PHF24: variants seen among roughly 807,000 people sequenced by gnomAD.
PHF24 encodes PHD finger protein 24.
A neutral mutation model predicts 42.6 loss-of-function variants in PHF24; 25 were observed. The observed-to-expected ratio is 0.59, with a 90% confidence interval of 0.43 to 0.82. PHF24 has a LOEUF of 0.82. Among genes scored for constraint, PHF24 ranks in the 40% least tolerant of loss-of-function variants. The pLI, the probability that PHF24 is intolerant of heterozygous loss-of-function variation, is 0.00. For synonymous variants in PHF24, 185 were observed against 204.8 expected, an observed-to-expected ratio of 0.90 and a Z score of 0.83; for missense variants, 470 against 538.1, an observed-to-expected ratio of 0.87 and a Z score of 1.25.
the PHF24 span, among the ~76,000 whole-genome samples, chr9:34,874,075 T>C: frequency 9.4e-3 from 1,427 of 152,222 alleles, 19 homozygotes; most frequent in Non-Finnish European, 0.014. Context: ...AAGTTGCTTA[T>C]CAGCTTAAGG....
chr9:34,971,644 C>T lies in PHF24; in HGVS notation c.346C>T (p.Pro116Ser), dbSNP rs567537944. 3 of 1,613,130 alleles carry T rather than the reference C, an allele frequency of 1.9e-6. No homozygotes were observed. In the African/African-American group the frequency reaches 4.0e-5, roughly 22 times the overall value. ...CACCCGGAAGCTGGATGATGACAAA[C>T]CTCCAGAAATCTGCCTGGAGCCCAG... is the stretch of plus-strand genomic sequence containing the variant. Residue 116 changes from proline (P) to serine (S), a missense_variant, in exon 2 of 8, where the codon CCT (proline) becomes TCT (serine). Pro to Ser is a moderately conservative substitution (Grantham distance 74). Transcript: ENST00000242315.
At chr9:34,827,731 T>C in the PHF24 span, among the ~76,000 whole-genome samples, 1 of 152,140 alleles carries the variant, frequency 6.6e-6, no homozygotes, top group Admixed American at 6.5e-5. Flanking sequence ...TGAGGGATAA[T>C]AGCTGTCCAA....
At chr9:34,931,956 G>C in the PHF24 span, among the ~76,000 whole-genome samples, 1 of 152,158 alleles carries the variant, frequency 6.6e-6, no homozygotes. Context: ...AGGGACTTGG[G>C]CTTCCAGCTC....
chr9:34,799,671 C>G, the PHF24 span, among the ~76,000 whole-genome samples: 1 of 152,160 alleles, frequency 6.6e-6, no homozygotes, highest in South Asian at 2.1e-4. Context: ...GGGATTGACA[C>G]TATTCTTTGT....
chr9:34,859,366 A>G, the PHF24 span, among the ~76,000 whole-genome samples: 2 of 152,208 alleles, frequency 1.3e-5, no homozygotes, highest in African/African-American at 2.4e-5. Context: ...TGAGGGGGGA[A>G]TTGAAAACAG....
chr9:34,827,138 C>G, the PHF24 span, among the ~76,000 whole-genome samples: 2 of 152,166 alleles, frequency 1.3e-5, no homozygotes, highest in Admixed American at 1.3e-4. Flanking sequence ...TGGGAAGGAC[C>G]TGCTCCACCC....
At chr9:34,893,049 C>A in the PHF24 span, 1 of 598,050 alleles carries the variant, frequency 1.7e-6, no homozygotes. Flanking sequence ...TTCTCACCTG[C>A]CAGCAATTGC....
chr9:34,878,658 G>A, the PHF24 span, among the ~76,000 whole-genome samples: 1 of 152,240 alleles, frequency 6.6e-6, no homozygotes, highest in African/African-American at 2.4e-5. Flanking sequence ...GCAGCAGCAA[G>A]GCTGGGGGAG....
At chr9:34,711,861 A>G in the PHF24 span, among the ~76,000 whole-genome samples, 1 of 152,100 alleles carries the variant, frequency 6.6e-6, no homozygotes, top group African/African-American at 2.4e-5. Flanking sequence ...TGTTATGTTT[A>G]TCAGAGATCT....
chr9:34,797,251 A>C, the PHF24 span, among the ~76,000 whole-genome samples: 1 of 152,152 alleles, frequency 6.6e-6, no homozygotes, highest in East Asian at 1.9e-4. Flanking sequence ...CTGAAGCCCC[A>C]GTGGGTATGT....
the PHF24 span, among the ~76,000 whole-genome samples, chr9:34,769,048 A>T: frequency 1.3e-5 from 2 of 152,242 alleles, no homozygotes; most frequent in Non-Finnish European, 1.5e-5. Flanking sequence ...CAACACAAGG[A>T]ATAAATACCC....
At chr9:34,760,620 C>T in the PHF24 span, among the ~76,000 whole-genome samples, 1 of 152,168 alleles carries the variant, frequency 6.6e-6, no homozygotes, top group Non-Finnish European at 1.5e-5. Context: ...TGGCGAGTAG[C>T]GGTAGACGGC....
chr9:34,976,435 G>A, intron 4 of PHF24, 100 bp from the exon 5 acceptor site: 1 of 1,269,854 alleles, frequency 7.9e-7, no homozygotes, highest in East Asian at 2.4e-5. Context: ...GACTTAGCAA[G>A]AGCTGTGGGT....
At chr9:34,918,541 G>A in the PHF24 span, among the ~76,000 whole-genome samples, 1 of 152,052 alleles carries the variant, frequency 6.6e-6, no homozygotes, top group Non-Finnish European at 1.5e-5. Context: ...CCCATAAGTA[G>A]GTAAGACCAA....
the PHF24 span, among the ~76,000 whole-genome samples, chr9:34,749,847 A>G: frequency 2.0e-5 from 3 of 152,080 alleles, no homozygotes; most frequent in Non-Finnish European, 4.4e-5. Flanking sequence ...GAAAAGGAAC[A>G]ACATGTAATG....
the PHF24 span, chr9:34,723,410 G>C: frequency 1.3e-6 from 2 of 1,551,774 alleles, no homozygotes; most frequent in Non-Finnish European, 1.7e-6. Flanking sequence ...AGCAGGACGA[G>C]ATTGGGCCTT....
chr9:34,891,974 G>T, the PHF24 span, among the ~76,000 whole-genome samples: 1 of 152,196 alleles, frequency 6.6e-6, no homozygotes. Flanking sequence ...AAGGAGGGGA[G>T]ATTTTAATTA....
chr9:34,851,030 G>A, the PHF24 span, among the ~76,000 whole-genome samples: 1 of 152,196 alleles, frequency 6.6e-6, no homozygotes, highest in African/African-American at 2.4e-5. Flanking sequence ...CTCCCAGTTA[G>A]GCTGCTCGGG....
At chr9:34,735,133 C>CTTTTT in the PHF24 span, among the ~76,000 whole-genome samples, 31 of 112,462 alleles carry the variant, frequency 2.8e-4, no homozygotes, top group Non-Finnish European at 3.9e-4. Context: ...TTTCTTTTTT[C>CTTTTT]TTTTTTTTTT....
Sources: gnomAD v4.1 joint callset for allele counts (sites outside exome capture counted in the v4.1 genomes callset) on GRCh38, gnomAD v4.1.1 for gene constraint, MANE v1.5 for transcripts, NCBI Gene and HGNC (gene_info 2026-07-23, HGNC 2026-07-21) for gene names.